SH3PXD2A: variants seen among roughly 807,000 people sequenced by gnomAD.
SH3PXD2A encodes the protein SH3 and PX domain-containing protein 2A.
A neutral mutation model predicts 115.2 loss-of-function variants in SH3PXD2A; 32 were observed. That is an observed-to-expected ratio of 0.28 (90% CI 0.21 to 0.37). The LOEUF is 0.37. Among genes scored for constraint, SH3PXD2A ranks in the 10% least tolerant of loss-of-function variants. The pLI, the probability that SH3PXD2A is intolerant of heterozygous loss-of-function variation, is 1.00. For synonymous variants in SH3PXD2A, 610 were observed against 629.1 expected (o/e 0.97, Z 0.45); for missense variants, 1,328 against 1,498.7 (o/e 0.89, Z 1.88).
chr10:103,738,452 G>A (rs1463520205), intron 3 of SH3PXD2A, among the ~76,000 whole-genome samples: 3 of 152,190 alleles, frequency 2.0e-5, no homozygotes, highest in African/African-American at 7.2e-5. Flanking sequence ...GGAATTCTGG[G>A]CCTTTCTAAT....
Position 103,665,353 on chromosome 10 carries a change from C to T in SH3PXD2A, c.472+3255G>A, listed in dbSNP as rs1414935194. 6.6e-6 allele frequency among the ~76,000 whole-genome samples: 1 copy of T among 152,202 alleles called. No individual in the cohort carries two copies. The highest frequency in any genetic ancestry group is 1.5e-5 in the Non-Finnish European group (1 of 68,030). On this transcript the variant is annotated intron_variant, in intron 7 of 14. Transcript: ENST00000369774. The surrounding 1 kb of genome is among the most constrained non-coding windows in gnomAD (Gnocchi z 4.0). ...GGGTTTCAAAGCAGAGTTAAATCCA[C>T]ACCCCCACACCCCTTCCCCCCACCA... is the stretch of plus-strand genomic sequence containing the variant.
At chr10:103,760,160 G>A (rs1427275031) in intron 3 of SH3PXD2A, among the ~76,000 whole-genome samples, 1 of 152,194 alleles carries the variant, frequency 6.6e-6, no homozygotes. Context: ...ATTATAAAAA[G>A]ATGCAGGCTC....
At chr10:103,724,509 C>T (rs2038218216) in intron 4 of SH3PXD2A, 148 bp from the exon 5 acceptor site, 1 of 518,206 alleles carries the variant, frequency 1.9e-6, no homozygotes, top group Admixed American at 4.2e-5. Context: ...ACCTGTCCAC[C>T]CAGAAAACTA....
At chr10:103,660,902 G>A (rs2037286870) in intron 8 of SH3PXD2A, 81 bp downstream of exon 8, 1 of 1,410,976 alleles carries the variant, frequency 7.1e-7, no homozygotes, top group Non-Finnish European at 1.0e-6. Context: ...CAGCGGTGGG[G>A]GAGGAGGGAG....
rs775424414 is a variant in SH3PXD2A, at chr10:103,685,337, C to CAAA, written c.427+7688_427+7690dup. Among the ~76,000 whole-genome samples, 254 of 55,912 alleles carry CAAA rather than the reference C, an allele frequency of 4.5e-3. 1 individual carries two copies. Among genetic ancestry groups the CAAA allele is most frequent in the East Asian group, 7.4e-3 (13 of 1,764 alleles). The allele number at this position is 55,912 out of a possible 152,430, so 36.7% of individuals were successfully genotyped here. On this transcript the variant is annotated intron_variant, in intron 6 of 14. Transcript: ENST00000369774. ...CCAGGCAAACAGCAAAACTCTGTCT[C>CAAA]AAAAAAAAAAAAAAAAAAAAAAAAA...
chr10:103,643,893 C>T (rs369603817), intron 8 of SH3PXD2A, among the ~76,000 whole-genome samples: 1 of 150,128 alleles, frequency 6.7e-6, no homozygotes, highest in Non-Finnish European at 1.5e-5. Flanking sequence ...GGGCGGATCA[C>T]GAGGTCAGGA....
intron 8 of SH3PXD2A, among the ~76,000 whole-genome samples, chr10:103,645,613 C>G (rs2037024083): frequency 6.6e-6 from 1 of 152,168 alleles, no homozygotes; most frequent in Admixed American, 6.5e-5. Context: ...GGAGGCCCCA[C>G]AGGCTAATCA....
chr10:103,799,701 G>A (rs1014746580), intron 2 of SH3PXD2A, among the ~76,000 whole-genome samples: 6 of 152,212 alleles, frequency 3.9e-5, no homozygotes, highest in Non-Finnish European at 8.8e-5. Flanking sequence ...TCATCAATGA[G>A]TCCTTTCAGG....
intron 3 of SH3PXD2A, among the ~76,000 whole-genome samples, chr10:103,743,645 A>G (rs2134194875): frequency 6.6e-6 from 1 of 152,242 alleles, no homozygotes; most frequent in South Asian, 2.1e-4. Context: ...GGCTGGGAGT[A>G]TAGGCCTGAG....
chr10:103,611,653 A>T (rs576331130), intron 12 of SH3PXD2A, 23 bp from the exon 13 acceptor site: 1 of 1,607,168 alleles, frequency 6.2e-7, no homozygotes, highest in South Asian at 1.1e-5. Flanking sequence ...ACATGGCTTC[A>T]GAAATCCTAG....
At chr10:103,771,158 C>T (rs990176084) in intron 2 of SH3PXD2A, among the ~76,000 whole-genome samples, 4 of 152,202 alleles carry the variant, frequency 2.6e-5, no homozygotes, top group Admixed American at 6.5e-5. Flanking sequence ...CAAGGTGACC[C>T]GCTATTCCAC....
At chr10:103,624,215 A>G (rs2131471) in intron 9 of SH3PXD2A, among the ~76,000 whole-genome samples, 136,848 of 152,310 alleles carry the variant, frequency 0.9, 61,765 homozygotes, top group East Asian at 1. Flanking sequence ...GTGGGGAGGG[A>G]ACAGGGTCTG....
At chr10:103,707,487 G>A (rs1256830737) in intron 5 of SH3PXD2A, among the ~76,000 whole-genome samples, 4 of 152,194 alleles carry the variant, frequency 2.6e-5, no homozygotes, top group East Asian at 3.9e-4. Flanking sequence ...GAGCCACCGC[G>A]CCAGGCTGTA....
In SH3PXD2A at chr10:103,596,307, T is replaced by C. The variant is rs893056854; in HGVS notation, c.*5509A>G. 1 of 152,614 alleles carries C rather than the reference T, an allele frequency of 6.6e-6. No individual in the cohort carries two copies. Among genetic ancestry groups the C allele is most frequent in the African/African-American group, 2.4e-5 (1 of 41,464 alleles). The allele number at this position is 152,614 out of a possible 1,614,324, so 9.5% of individuals were successfully genotyped here. A position where few individuals can be genotyped will look rare whatever the true frequency, so the allele number is the denominator to read the frequency against. On this transcript the variant is annotated 3_prime_UTR_variant, in exon 15 of 15. Coordinates refer to ENST00000369774, the MANE Select transcript of SH3PXD2A (RefSeq NM_001394015.1). ...TAACTGAACCAACTCAGTGTTTCTA[T>C]TCCCAGTGGCATCTCTTTTGCACAT... is the stretch of plus-strand genomic sequence containing the variant.
intron 1 of SH3PXD2A, among the ~76,000 whole-genome samples, chr10:103,851,315 C>T (rs554015908): frequency 6.6e-6 from 1 of 152,106 alleles, no homozygotes; most frequent in African/African-American, 2.4e-5. Context: ...TTACTGGGGA[C>T]CAGATACCAG....
chr10:103,762,922 G>A lies in SH3PXD2A; in HGVS notation c.229+4172C>T, dbSNP rs547369247. On this transcript the variant is annotated intron_variant, in intron 3 of 14. Transcript: ENST00000369774. ...CCTTACCCCCAACCTCAGCACCACT[G>A]CACAACACTCCATCTGTCCCCCAAG... Among the ~76,000 whole-genome samples, 7 of 147,262 alleles carry A rather than the reference G, an allele frequency of 4.8e-5. No individual in the cohort carries two copies. The South Asian group carries it at 1.3e-3, about 28-fold the overall frequency.
chr10:103,783,389 G>T (rs2038950954), intron 2 of SH3PXD2A, among the ~76,000 whole-genome samples: 1 of 152,190 alleles, frequency 6.6e-6, no homozygotes, highest in South Asian at 2.1e-4. Context: ...GTTGATGCGG[G>T]GCTGGACCAC....
In SH3PXD2A at chr10:103,665,049, A is replaced by G. The variant is rs745998156; in HGVS notation, c.472+3559T>C. On this transcript the variant is annotated intron_variant, in intron 7 of 14. Transcript: ENST00000369774. The surrounding 1 kb of genome is among the most constrained non-coding windows in gnomAD (Gnocchi z 4.0). ...GTGCCTGTTAGGTGGCAGGCACTCAATAAGTGTGAAATGAACCAGTGAAAC... is the reference window on the plus strand; with the variant it reads ...GTGCCTGTTAGGTGGCAGGCACTCAGTAAGTGTGAAATGAACCAGTGAAAC... Among the ~76,000 whole-genome samples, 10 of 152,312 alleles carry G rather than the reference A, an allele frequency of 6.6e-5. No homozygotes were observed. Among genetic ancestry groups the G allele is most frequent in the East Asian group, 3.9e-4 (2 of 5,182 alleles).
At chr10:103,738,883 C>T (rs900643815) in intron 3 of SH3PXD2A, among the ~76,000 whole-genome samples, 1 of 151,966 alleles carries the variant, frequency 6.6e-6, no homozygotes, top group Non-Finnish European at 1.5e-5. Context: ...CAGCCTCTGC[C>T]TCCCGGGTTC....
Sources: allele counts gnomAD v4.1 joint callset (sites outside exome capture counted in the v4.1 genomes callset), GRCh38; gene constraint gnomAD v4.1.1; non-coding constraint Gnocchi (gnomAD v3.1); transcripts MANE v1.5; gene names NCBI Gene and HGNC (gene_info 2026-07-23, HGNC 2026-07-21).